Variants in KLHL13 observed in about 807,000 individuals in gnomAD.
The protein encoded by KLHL13 is kelch-like protein 13.
In KLHL13, 10 loss-of-function variants were observed where a neutral mutation model predicts 37.1. That is an observed-to-expected ratio of 0.27 (90% CI 0.17 to 0.46). KLHL13 has a LOEUF of 0.46. Ranked by LOEUF, KLHL13 falls within the 20% of genes least tolerant of loss-of-function variation. The pLI, the probability that KLHL13 is intolerant of heterozygous loss-of-function variation, is 1.00. For synonymous variants in KLHL13, 163 were observed against 181.2 expected (o/e 0.90, Z 0.81); for missense variants, 360 against 509.3 (o/e 0.71, Z 2.82).
At chrX:118,089,620 G>GAGAAAGAAAGAAAGAC (rs2055100509) in intron 1 of KLHL13, among the ~76,000 whole-genome samples, 2 of 71,918 alleles carry the variant, frequency 2.8e-5, no homozygotes, top group African/African-American at 1.2e-4. Context: ...GAGAAAGAAA[G>GAGAAAGAAAGAAAGAC]AGAAAGAAAG....
At chrX:118,094,829 C>G (rs1369245567) in intron 1 of KLHL13, among the ~76,000 whole-genome samples, 1 of 111,063 alleles carries the variant, frequency 9.0e-6, no homozygotes, top group Non-Finnish European at 1.9e-5. Flanking sequence ...ACTTTACAGA[C>G]AAGCAAATGC....
chrX:118,068,631 G>C (rs916472576), intron 1 of KLHL13, among the ~76,000 whole-genome samples: 1 of 111,007 alleles, frequency 9.0e-6, no homozygotes, highest in African/African-American at 3.3e-5. Flanking sequence ...TCAGCTGAGG[G>C]AGCTGCCTAG....
intron 1 of KLHL13, among the ~76,000 whole-genome samples, chrX:118,000,133 C>T (rs1329214147): frequency 9.0e-6 from 1 of 111,572 alleles, no homozygotes; most frequent in African/African-American, 3.3e-5. Context: ...ATCAGTTAAC[C>T]TAAGTGCACA....
chrX:117,928,943 G>A (rs746280568), intron 2 of KLHL13, among the ~76,000 whole-genome samples: 123 of 111,452 alleles, frequency 1.1e-3, no homozygotes, highest in Non-Finnish European at 1.8e-3. Context: ...CTAACAAGAC[G>A]GATTAGGTGA....
intron 2 of KLHL13, among the ~76,000 whole-genome samples, chrX:117,925,251 T>C (rs1167852535): frequency 3.6e-5 from 4 of 112,008 alleles, no homozygotes; most frequent in African/African-American, 9.7e-5. Context: ...TAAAAGGAAT[T>C]TGATAAACAA....
chrX:118,030,677 T>G (rs1316980947), intron 1 of KLHL13, among the ~76,000 whole-genome samples: 1 of 111,829 alleles, frequency 8.9e-6, no homozygotes, highest in Non-Finnish European at 1.9e-5. Context: ...GGGAATGCGT[T>G]CCTTATAAAA....
At chrX:118,093,814 T>C (rs1021430454) in intron 1 of KLHL13, among the ~76,000 whole-genome samples, 1 of 110,109 alleles carries the variant, frequency 9.1e-6, no homozygotes, top group Non-Finnish European at 1.9e-5. Context: ...ATAAGAAGTA[T>C]GATGGGCTAA....
intron 1 of KLHL13, among the ~76,000 whole-genome samples, chrX:118,043,488 A>G (rs993412308): frequency 3.6e-5 from 4 of 111,705 alleles, no homozygotes; most frequent in African/African-American, 1.3e-4. Flanking sequence ...AAAATCCTCC[A>G]CAAAATATTA....
intron 1 of KLHL13, among the ~76,000 whole-genome samples, chrX:118,040,795 A>C (rs1046372354): frequency 8.9e-6 from 1 of 112,088 alleles, no homozygotes. Context: ...GGACAAAGAA[A>C]GGATCCTAAA....
chrX:118,081,447 A>AT (rs1221571314), intron 1 of KLHL13, among the ~76,000 whole-genome samples: 2 of 110,566 alleles, frequency 1.8e-5, no homozygotes, highest in African/African-American at 6.6e-5. Context: ...AGTGATGTTG[A>AT]TTTTTGGTTT....
At chrX:117,926,144 T>TA (rs1292462704) in intron 2 of KLHL13, among the ~76,000 whole-genome samples, 1 of 112,159 alleles carries the variant, frequency 8.9e-6, no homozygotes, top group African/African-American at 3.2e-5. Context: ...TGAAACTCTT[T>TA]AAAATCAAAC....
intron 1 of KLHL13, among the ~76,000 whole-genome samples, chrX:118,103,801 T>C (rs968881542): frequency 9.0e-6 from 1 of 111,061 alleles, no homozygotes. Flanking sequence ...TCCTTGACTA[T>C]AAACACTAAC....
intron 1 of KLHL13, among the ~76,000 whole-genome samples, chrX:118,037,682 C>G (rs2054465091): frequency 9.0e-6 from 1 of 111,037 alleles, no homozygotes; most frequent in Non-Finnish European, 1.9e-5. Flanking sequence ...CAGCATGGCA[C>G]ATGTATACAT....
At chrX:118,066,392 A>T (rs765287100) in intron 1 of KLHL13, among the ~76,000 whole-genome samples, 6 of 111,900 alleles carry the variant, frequency 5.4e-5, no homozygotes, top group African/African-American at 9.7e-5. Flanking sequence ...TACCAACTGG[A>T]GGCAATAACT....
intron 1 of KLHL13, among the ~76,000 whole-genome samples, chrX:118,058,388 T>G (rs1369226787): frequency 9.0e-6 from 1 of 111,425 alleles, no homozygotes; most frequent in East Asian, 2.8e-4. Context: ...CACCTTCCTA[T>G]TATGCTCTAC....
At chrX:117,925,891 T>C (rs1931986891) in intron 2 of KLHL13, among the ~76,000 whole-genome samples, 1 of 111,402 alleles carries the variant, frequency 9.0e-6, no homozygotes, top group Non-Finnish European at 1.9e-5. Context: ...GGTTTCATCA[T>C]GTTACCCAGG....
chrX:118,028,630 T>C (rs59515565), intron 1 of KLHL13, 133 bp from the exon 2 acceptor site: 7,944 of 300,003 alleles, frequency 0.026, 510 homozygotes, highest in African/African-American at 0.19. Flanking sequence ...TACTTAATGT[T>C]CATATTACAT....
rs1262160193 is a variant in KLHL13, at chrX:118,029,581, A to C, written c.-55-84006T>G. ...ATTCGTTTCAGATATATTGGGAAGCAAAATGTAAATTTTACTTAAATATCT... is the reference window on the plus strand; with the variant it reads ...ATTCGTTTCAGATATATTGGGAAGCCAAATGTAAATTTTACTTAAATATCT... On this transcript the variant is annotated intron_variant, in intron 1 of 6. Transcript: ENST00000371882. Among the ~76,000 whole-genome samples the C allele has an allele frequency of 2.7e-5, 3 of 112,324 alleles. 1 individual carries two copies. Among genetic ancestry groups the C allele is most frequent in the Non-Finnish European group, 3.8e-5 (2 of 53,332 alleles).
chrX:118,025,635 T>C (rs775612078), intron 1 of KLHL13, among the ~76,000 whole-genome samples: 1 of 111,769 alleles, frequency 8.9e-6, no homozygotes, highest in Non-Finnish European at 1.9e-5. Flanking sequence ...AGTGAAAGGG[T>C]CAAAGTTCTT....
Sources: allele counts gnomAD v4.1 joint callset (sites outside exome capture counted in the v4.1 genomes callset), GRCh38; gene constraint gnomAD v4.1.1; transcripts MANE v1.5; gene names NCBI Gene and HGNC (gene_info 2026-07-23, HGNC 2026-07-21).